CCDC102B: variants seen among roughly 807,000 people sequenced by gnomAD.
CCDC102B encodes the protein coiled-coil domain containing 102B.
CCDC102B carries 75 observed loss-of-function variants against 57.4 expected under a neutral mutation model. The observed-to-expected ratio is 1.31, with a 90% CI of 1.08 to 1.58. The LOEUF (loss-of-function observed/expected upper bound fraction) is 1.58. CCDC102B is among the 40% of genes most tolerant of loss of function. CCDC102B has a pLI of 0.00. For synonymous variants in CCDC102B, 206 were observed against 201.9 expected, an observed-to-expected ratio of 1.02 and a Z score of -0.17; for missense variants, 636 against 582.6, an observed-to-expected ratio of 1.09 and a Z score of -0.94.
chr18:68,932,252 C>T (rs17079912), intron 6 of CCDC102B, among the ~76,000 whole-genome samples: 41,326 of 151,498 alleles, frequency 0.27, 7,145 homozygotes, highest in East Asian at 0.65. Context: ...TTTTACTCCA[C>T]TATTTCGGCA....
At chr18:68,790,812 G>A (rs1468438145) in intron 2 of CCDC102B, among the ~76,000 whole-genome samples, 1 of 152,228 alleles carries the variant, frequency 6.6e-6, no homozygotes, top group East Asian at 1.9e-4. Flanking sequence ...GCTGGGAGCT[G>A]TAGACCGGAG....
At chr18:68,841,380 C>T (rs1477845750) in intron 3 of CCDC102B, among the ~76,000 whole-genome samples, 1 of 152,132 alleles carries the variant, frequency 6.6e-6, no homozygotes, top group Non-Finnish European at 1.5e-5. Flanking sequence ...ACTCTGAGTA[C>T]TGTTCAGTTT....
Position 68,894,418 on chromosome 18 carries a change from AT to A in CCDC102B, c.1054-2799del, listed in dbSNP as rs1421402841. Among the ~76,000 whole-genome samples the A allele has an allele frequency of 1.5e-4, 23 of 152,024 alleles. 1 individual carries two copies. Among genetic ancestry groups the A allele is most frequent in the Admixed American group, 1.4e-3 (22 of 15,242 alleles). The stretch of plus-strand genomic sequence containing the variant: ...ATGCTAGAACACGCTATTGGTTAAA[AT>A]TCACAGTTGAGTTAGAATTAAAATA... On this transcript the variant is annotated intron_variant, in intron 5 of 7. Coordinates refer to ENST00000360242, the MANE Select transcript of CCDC102B (RefSeq NM_024781.3).
intron 6 of CCDC102B, among the ~76,000 whole-genome samples, chr18:68,917,607 C>A: frequency 6.6e-6 from 1 of 152,094 alleles, no homozygotes. Flanking sequence ...ATCGCTGTGT[C>A]CATCAATTCT....
At chr18:68,954,746 A>G (rs890543078) in intron 6 of CCDC102B, among the ~76,000 whole-genome samples, 1 of 152,174 alleles carries the variant, frequency 6.6e-6, no homozygotes, top group Admixed American at 6.6e-5. Flanking sequence ...ATTTCAATCT[A>G]TTTACATGGC....
intron 4 of CCDC102B, among the ~76,000 whole-genome samples, chr18:68,851,032 A>G (rs1040528506): frequency 6.6e-6 from 1 of 152,132 alleles, no homozygotes; most frequent in Non-Finnish European, 1.5e-5. Flanking sequence ...TCCCCATTGA[A>G]CTGTCAGCTT....
At chr18:68,965,994 C>G (rs1291059576) in intron 6 of CCDC102B, among the ~76,000 whole-genome samples, 1 of 152,048 alleles carries the variant, frequency 6.6e-6, no homozygotes, top group African/African-American at 2.4e-5. Context: ...TTCAGGATCC[C>G]CACTAGGCTT....
intron 4 of CCDC102B, among the ~76,000 whole-genome samples, chr18:68,855,765 T>C (rs1001712618): frequency 6.6e-6 from 1 of 152,196 alleles, no homozygotes; most frequent in Non-Finnish European, 1.5e-5. Context: ...TCTGCTATGA[T>C]AGCACTTTTT....
At chr18:68,998,285 A>G (rs1486707945) in intron 6 of CCDC102B, among the ~76,000 whole-genome samples, 2 of 148,838 alleles carry the variant, frequency 1.3e-5, no homozygotes, top group Non-Finnish European at 3.0e-5. Context: ...ACATAATTAC[A>G]TATAGACACA....
intron 4 of CCDC102B, among the ~76,000 whole-genome samples, chr18:68,867,209 C>A (rs189727254): frequency 6.6e-6 from 1 of 152,202 alleles, no homozygotes; most frequent in Non-Finnish European, 1.5e-5. Flanking sequence ...CCCAGATGGT[C>A]TCGATTGCCT....
chr18:68,911,490 C>T (rs200198974), intron 6 of CCDC102B, among the ~76,000 whole-genome samples: 6 of 150,754 alleles, frequency 4.0e-5, no homozygotes, highest in East Asian at 4.1e-4. Flanking sequence ...CGGTGGCTCA[C>T]GCCTGTAATC....
At chr18:68,843,357 C>G (rs912551006) in intron 3 of CCDC102B, among the ~76,000 whole-genome samples, 3 of 151,988 alleles carry the variant, frequency 2.0e-5, no homozygotes, top group Non-Finnish European at 4.4e-5. Flanking sequence ...CAATTTTTTT[C>G]CAGTGAAATT....
intron 1 of CCDC102B, among the ~76,000 whole-genome samples, chr18:68,805,695 G>T (rs1023175210): frequency 6.6e-5 from 10 of 152,116 alleles, no homozygotes; most frequent in African/African-American, 2.2e-4. Context: ...GTATGGTAAT[G>T]GGATCTAGGT....
chr18:68,983,848 A>G (rs116540695), intron 6 of CCDC102B, among the ~76,000 whole-genome samples: 1 of 151,990 alleles, frequency 6.6e-6, no homozygotes, highest in Admixed American at 6.6e-5. Flanking sequence ...GTCTCATGCA[A>G]TTGACTAGGG....
In CCDC102B at chr18:69,054,068, G is replaced by T; in HGVS notation, c.1473G>T (p.Arg491Ser). Residue 491 changes from arginine (R) to serine (S), a missense_variant, in exon 8 of 8, where the codon AGG becomes AGT. Transcript: ENST00000360242. Reference sequence around the variant, plus strand: ...TGAATCAGATCCGTAAGCTCCAGAGGTCTCTGGATGAAGAGAAAGAAAGAA... The same window carrying T: ...TGAATCAGATCCGTAAGCTCCAGAGTTCTCTGGATGAAGAGAAAGAAAGAA... ...DSLNQIRKLQ[R>S]SLDEEKERNE... 1 of 1,606,770 alleles carries T rather than the reference G, an allele frequency of 6.2e-7. No homozygotes were observed.
chr18:68,792,544 C>T (rs561090066), intron 2 of CCDC102B, among the ~76,000 whole-genome samples: 1 of 152,176 alleles, frequency 6.6e-6, no homozygotes, highest in Non-Finnish European at 1.5e-5. Flanking sequence ...ACAACTATTG[C>T]CAGTGATAGC....
At chr18:68,917,163 A>T (rs2041101981) in intron 6 of CCDC102B, among the ~76,000 whole-genome samples, 1 of 149,080 alleles carries the variant, frequency 6.7e-6, no homozygotes, top group Non-Finnish European at 1.5e-5. Flanking sequence ...AATTTCTTGA[A>T]AACCAGCATT....
intron 1 of CCDC102B, among the ~76,000 whole-genome samples, chr18:68,824,793 T>C (rs563912171): frequency 6.6e-6 from 1 of 152,308 alleles, no homozygotes; most frequent in Non-Finnish European, 1.5e-5. Context: ...GAAATTATAA[T>C]TTTAAAAAAA....
intron 2 of CCDC102B, among the ~76,000 whole-genome samples, chr18:68,732,397 G>C (rs1487926995): frequency 1.3e-5 from 2 of 151,384 alleles, no homozygotes; most frequent in Non-Finnish European, 2.9e-5. Flanking sequence ...CCAGGCTGGA[G>C]TGCAGTGGCG....
Sources: allele counts gnomAD v4.1 joint callset (sites outside exome capture counted in the v4.1 genomes callset), GRCh38; gene constraint gnomAD v4.1.1; transcripts MANE v1.5; gene names NCBI Gene and HGNC (gene_info 2026-07-23, HGNC 2026-07-21).